The following EXD3 variants were observed in gnomAD, a reference collection of about 807,000 sequenced individuals.
The protein encoded by EXD3 is exonuclease mut-7 homolog.
A neutral mutation model predicts 98.0 loss-of-function variants in EXD3; 92 were observed. The ratio of observed to expected loss-of-function variants is 0.94; its 90% CI spans 0.79 to 1.12. EXD3 has a LOEUF of 1.12. EXD3 is among the 50% of genes most tolerant of loss of function. EXD3 has a pLI of 0.00. For synonymous variants in EXD3, 569 were observed against 526.0 expected (o/e 1.08, Z -1.12); for missense variants, 1,222 against 1,191.6 (o/e 1.03, Z -0.38).
chr9:137,385,302 G>A lies in EXD3; in HGVS notation c.56-1925C>T, dbSNP rs1003815505. ...GGAGCAAGTGCATCAGCCCCGGGAC[G>A]ATGCCCAGGTGGGGAGGACGTACCC... On this transcript the variant is annotated intron_variant, in intron 2 of 21. Coordinates refer to ENST00000340951, the MANE Select transcript of EXD3 (RefSeq NM_017820.5). The surrounding 1 kb of genome is among the most constrained non-coding windows in gnomAD (Gnocchi z 4.4). Among the ~76,000 whole-genome samples the A allele has an allele frequency of 3.3e-5, 5 of 152,078 alleles. No homozygotes were observed. The highest frequency in any genetic ancestry group is 2.1e-4 in the South Asian group (1 of 4,780).
In EXD3 at chr9:137,371,916, G is replaced by A. The variant is rs1033330224; in HGVS notation, c.462+989C>T. Among the ~76,000 whole-genome samples, 7 of 151,924 alleles carry A rather than the reference G, an allele frequency of 4.6e-5. No homozygotes were observed. The highest frequency in any genetic ancestry group is 2.1e-4 in the South Asian group (1 of 4,794). On this transcript the variant is annotated intron_variant, in intron 5 of 21. Coordinates refer to ENST00000340951, the MANE Select transcript of EXD3 (RefSeq NM_017820.5). The surrounding 1 kb of genome is among the most constrained non-coding windows in gnomAD (Gnocchi z 8.0). ...CAGAGCCACCCCACGCAAGACGGCC[G>A]CCTCCCTACCCACTGCAGGCCCCAC...
In EXD3 at chr9:137,392,999, G is replaced by T. The variant is rs572812313; in HGVS notation, c.55+2304C>A. 734 of 587,584 alleles carry T rather than the reference G, an allele frequency of 1.2e-3. 5 individuals are homozygous for T. The African/African-American group carries it at 0.013, about 11-fold the overall frequency. 36.4% of individuals were successfully genotyped at this position (587,584 alleles called of 1,614,324 possible). On this transcript the variant is annotated intron_variant, in intron 2 of 21. Transcript: ENST00000340951. ...TCCAGGGGGCACCGAGGCTGTTCTC[G>T]GTGGGGGTGCCGTGTCTGTTCCAGG...
rs940153041 is a variant in EXD3 at position 137,349,275 on chromosome 9, G to A, written c.1665C>T (p.Asp555=). The A allele has an allele frequency of 1.0e-5, 16 of 1,564,482 alleles. No homozygotes were observed. The highest frequency in any genetic ancestry group is 1.8e-5 in the Admixed American group (1 of 54,360). The part of the protein sequence containing the change: ...CEEQVIYAAA[D]AYCLLEVHQA... ...GGTGCACCTCCAGCAGGCAGTAGGC[G>A]TCGGCAGCTGTGTGGGGAGTCGGCC... The change falls in exon 16 of 22, where the codon GAC becomes GAT. Residue 555 remains aspartate, a synonymous_variant. Transcript: ENST00000340951. This position sits in a 1 kb window ranked among gnomAD's most constrained non-coding sequence, Gnocchi z 7.4.
In EXD3 at chr9:137,352,166, T is replaced by G. The variant is rs771735705; in HGVS notation, c.1073A>C (p.Asp358Ala). The G allele has an allele frequency of 6.2e-7, 1 of 1,612,840 alleles. No individual in the cohort carries two copies. The highest frequency in any genetic ancestry group is 1.3e-5 in the African/African-American group (1 of 75,072). The change falls in exon 12 of 22, where the codon GAC (aspartate) becomes GCC (alanine). Residue 358 changes from aspartate (D) to alanine (A), a missense_variant. Asp to Ala is a moderately radical substitution (Grantham distance 126). Transcript: ENST00000340951. ...TEADSRLEVKDMKDRYYQLPI... is the reference protein window; with the variant it reads ...TEADSRLEVKAMKDRYYQLPI... ...CAGCTGGTAGTAACGGTCCTTCATGTCCTTCACCTCCAGCCTCGAGTCAGC... is the reference window on the plus strand; with the variant it reads ...CAGCTGGTAGTAACGGTCCTTCATGGCCTTCACCTCCAGCCTCGAGTCAGC...
Position 137,324,838 on chromosome 9 carries a change from G to A in EXD3, c.1999-695C>T, listed in dbSNP as rs1482479422. Among the ~76,000 whole-genome samples, 4 of 151,850 alleles carry A rather than the reference G, an allele frequency of 2.6e-5. No individual in the cohort carries two copies. Among genetic ancestry groups the A allele is most frequent in the African/African-American group, 9.7e-5 (4 of 41,294 alleles). ...CTCCCAAGTAGCTAGGACTACAGGC[G>A]CCAGCCACCGTGCCTGGCTAATTTT... On this transcript the variant is annotated intron_variant, in intron 17 of 21. Coordinates refer to ENST00000340951, the MANE Select transcript of EXD3 (RefSeq NM_017820.5). The surrounding 1 kb of genome is among the most constrained non-coding windows in gnomAD (Gnocchi z 4.1).
At chr9:137,335,456 G>A (rs1001047219) in intron 17 of EXD3, among the ~76,000 whole-genome samples, 8 of 152,086 alleles carry the variant, frequency 5.3e-5, no homozygotes, top group African/African-American at 1.2e-4. Flanking sequence ...CAAGGCGGGC[G>A]GATCACGAGG....
Position 137,354,373 on chromosome 9 carries a change from C to A in EXD3, c.836G>T (p.Ser279Ile). Residue 279 changes from serine (S) to isoleucine (I), a missense_variant, in exon 10 of 22, where the codon AGC becomes ATC. Transcript: ENST00000340951. ...HLCHKRFVEK[S>I]LSQENWTDHV... is the part of the protein sequence containing the mutation. The stretch of plus-strand genomic sequence containing the variant: ...GTCGGTCCAGTTCTCCTGTGACAGG[C>A]TCTTCTGCAAAGGCAAACAGGAAGG... 2.5e-6 allele frequency: 4 copies of A among 1,612,320 alleles called. No individual in the cohort carries two copies. The highest frequency in any genetic ancestry group is 2.2e-5 in the South Asian group (2 of 91,080).
intron 1 of EXD3, among the ~76,000 whole-genome samples, chr9:137,397,418 C>T (rs757952335): frequency 1.2e-4 from 18 of 152,128 alleles, no homozygotes; most frequent in East Asian, 5.8e-4. Context: ...AACAGCCCAC[C>T]GGAGCGAAAA....
chr9:137,350,628 T>G (rs953667443), intron 14 of EXD3, among the ~76,000 whole-genome samples: 10 of 27,394 alleles, frequency 3.7e-4, no homozygotes, highest in South Asian at 1.0e-3. Flanking sequence ...TAGAGAGGGG[T>G]GGGGATCACG....
At position 137,330,611 on chromosome 9, in the gene EXD3, GGACTACACAGGAA is replaced by G. The variant is rs1564482402; in HGVS notation, c.1999-6481_1999-6469del. ...ACACAGGACTACACAGGACTACACA[GGACTACACAGGAA>G]CTACACAGGACTACACAGGAGCTAC... On this transcript the variant is annotated intron_variant, in intron 17 of 21. Coordinates refer to ENST00000340951, the MANE Select transcript of EXD3 (RefSeq NM_017820.5). Among the ~76,000 whole-genome samples the G allele has an allele frequency of 1.3e-4, 19 of 144,204 alleles. 2 individuals carry two copies. Among genetic ancestry groups the G allele is most frequent in the African/African-American group, 3.6e-4 (14 of 39,066 alleles). The allele number at this position is 144,204 out of a possible 152,430, so 94.6% of individuals were successfully genotyped here. A position where few individuals can be genotyped will look rare whatever the true frequency, so the allele number is the denominator to read the frequency against.
In EXD3 at chr9:137,308,603, C is replaced by T. The variant is rs1047404484; in HGVS notation, c.2279-957G>A. On this transcript the variant is annotated intron_variant, in intron 20 of 21. Coordinates refer to ENST00000340951, the MANE Select transcript of EXD3 (RefSeq NM_017820.5). ...TGGCCACCCTGGGTGATGGTCGCTC[C>T]CCGTCCTCCCACCCTGAACTTGGAC... 3.9e-5 allele frequency among the ~76,000 whole-genome samples: 6 copies of T among 151,956 alleles called. No individual in the cohort carries two copies. The South Asian group carries it at 6.2e-4, about 16-fold the overall frequency.
At chr9:137,391,224 G>C (rs1187532580) in intron 2 of EXD3, among the ~76,000 whole-genome samples, 2 of 152,256 alleles carry the variant, frequency 1.3e-5, no homozygotes, top group African/African-American at 4.8e-5. Flanking sequence ...GGTGCATTAC[G>C]AGAGCGGCAT....
intron 3 of EXD3, among the ~76,000 whole-genome samples, chr9:137,375,313 C>G (rs1288227467): frequency 6.6e-6 from 1 of 151,518 alleles, no homozygotes; most frequent in Admixed American, 6.6e-5. Context: ...GGCCCTAACC[C>G]TAGTTTTAAC....
At position 137,325,377 on chromosome 9, in the gene EXD3, G is replaced by A. The variant is rs747386937; in HGVS notation, c.1999-1234C>T. Among the ~76,000 whole-genome samples, 10 of 152,320 alleles carry A rather than the reference G, an allele frequency of 6.6e-5. No individual in the cohort carries two copies. In the Middle Eastern group the frequency reaches 0.01, roughly 155 times the overall value. ...AACATGCCAGCCAGGGAACAGGTGC[G>A]GAGGAGGACACGGGACACCTTTCCA... On this transcript the variant is annotated intron_variant, in intron 17 of 21. Coordinates refer to ENST00000340951, the MANE Select transcript of EXD3 (RefSeq NM_017820.5).
At chr9:137,396,427 C>T (rs1032032865) in intron 1 of EXD3, among the ~76,000 whole-genome samples, 5 of 152,204 alleles carry the variant, frequency 3.3e-5, no homozygotes, top group African/African-American at 1.2e-4. Context: ...CATGTGAACT[C>T]CGAATCCTAA....
At chr9:137,401,270 C>T (rs1837470708) in intron 1 of EXD3, among the ~76,000 whole-genome samples, 1 of 151,398 alleles carries the variant, frequency 6.6e-6, no homozygotes, top group Non-Finnish European at 1.5e-5. Context: ...TCTCCTGCCT[C>T]AGCCTCCCAA....
chr9:137,409,104 G>T (rs1422170498), intron 1 of EXD3, among the ~76,000 whole-genome samples: 1 of 152,230 alleles, frequency 6.6e-6, no homozygotes, highest in Non-Finnish European at 1.5e-5. Flanking sequence ...TGCCCGGGGG[G>T]TGAGGATCCT....
At chr9:137,323,590 T>C (rs13290892) in intron 19 of EXD3, 135 bp downstream of exon 19, 41,818 of 414,228 alleles carry the variant, frequency 0.1, 1,377 homozygotes, top group African/African-American at 0.2. Flanking sequence ...CACCTCACCC[T>C]GGACCACGAG....
rs973452606 is a variant in EXD3, at chr9:137,353,268, C to T, written c.871-482G>A. ...TCCACTGGCCCTCCTGGCCTCCAAG[C>T]CTCCACTGACCTTCCCGGCCTCCAA... On this transcript the variant is annotated intron_variant, in intron 10 of 21. Transcript: ENST00000340951. The T allele has an allele frequency of 2.0e-4, 195 of 985,274 alleles. 2 individuals are homozygous for T. In the African/African-American group the frequency reaches 3.3e-3, roughly 17 times the overall value. 61.0% of individuals were successfully genotyped at this position (985,274 alleles called of 1,614,324 possible).
Sources: allele counts gnomAD v4.1 joint callset (sites outside exome capture counted in the v4.1 genomes callset), GRCh38; gene constraint gnomAD v4.1.1; non-coding constraint Gnocchi (gnomAD v3.1); transcripts MANE v1.5; gene names NCBI Gene and HGNC (gene_info 2026-07-23, HGNC 2026-07-21).